Variants in DNAH8 observed in about 807,000 individuals in gnomAD.
The protein encoded by DNAH8 is dynein axonemal heavy chain 8, also known as axonemal beta dynein heavy chain 8.
DNAH8 carries 382 observed loss-of-function variants against 562.1 expected under a neutral mutation model. The observed-to-expected ratio is 0.68, with a 90% CI of 0.63 to 0.74. The LOEUF is 0.74. Among genes scored for constraint, DNAH8 ranks in the 30% least tolerant of loss-of-function variants. DNAH8 has a pLI of 0.00. For synonymous variants in DNAH8, 1,881 were observed against 1,919.4 expected, an observed-to-expected ratio of 0.98 and a Z score of 0.52; for missense variants, 5,203 against 5,620.4, an observed-to-expected ratio of 0.93 and a Z score of 2.37.
chr6:38,864,707 A>G (rs1192434348), intron 45 of DNAH8, among the ~76,000 whole-genome samples: 6 of 152,248 alleles, frequency 3.9e-5, no homozygotes, highest in East Asian at 3.9e-4. Flanking sequence ...GTGGGGGAAA[A>G]CGTGCCATCC....
intron 12 of DNAH8, among the ~76,000 whole-genome samples, chr6:38,773,541 C>A (rs1767778303): frequency 6.6e-6 from 1 of 152,130 alleles, no homozygotes; most frequent in Non-Finnish European, 1.5e-5. Flanking sequence ...TGCTCAGCAA[C>A]CAGAGCTAAG....
chr6:39,001,605 C>T (rs75340703), intron 88 of DNAH8, among the ~76,000 whole-genome samples: 1,623 of 152,112 alleles, frequency 0.011, 38 homozygotes, highest in African/African-American at 0.037. Flanking sequence ...CTTCAGGTAA[C>T]TCACAGCACA....
intron 74 of DNAH8, among the ~76,000 whole-genome samples, chr6:38,928,724 A>T (rs927148063): frequency 6.6e-6 from 1 of 152,158 alleles, no homozygotes; most frequent in African/African-American, 2.4e-5. Context: ...CAATAGCCTA[A>T]GGCATTAGTT....
chr6:38,832,224 T>A (rs1338068339), intron 30 of DNAH8, 98 bp from the exon 31 acceptor site: 2 of 705,194 alleles, frequency 2.8e-6, no homozygotes, highest in African/African-American at 3.6e-5. Context: ...CTTGTTCATA[T>A]AGGATATCTG....
chr6:38,803,589 T>C (rs536920912), intron 22 of DNAH8, among the ~76,000 whole-genome samples: 186 of 123,054 alleles, frequency 1.5e-3, no homozygotes, highest in African/African-American at 5.5e-3. Flanking sequence ...AGGCCTGCTA[T>C]GCTAACTCTA....
At chr6:38,766,135 T>TTGTGTGTGTGTGTGTGTGTGTGTGTG (rs774448668) in intron 11 of DNAH8, among the ~76,000 whole-genome samples, 94 of 129,006 alleles carry the variant, frequency 7.3e-4, no homozygotes, top group Non-Finnish European at 1.1e-3. Context: ...ATGTATGTGT[T>TTGTGTGTGTGTGTGTGTGTGTGTGTG]TGTATGTGTG....
In DNAH8 at chr6:38,853,053, T is replaced by A. The variant is rs1227467032; in HGVS notation, c.5572-133T>A. 8.2e-6 allele frequency: 6 copies of A among 731,122 alleles called. No individual in the cohort carries two copies. The African/African-American group carries it at 1.1e-4, about 13-fold the overall frequency. The allele number at this position is 731,122 out of a possible 1,614,324, so 45.3% of individuals were successfully genotyped here. A position where few individuals can be genotyped will look rare whatever the true frequency, so the allele number is the denominator to read the frequency against. ...ATAGTATTAGGTGATTTTACCCATA[T>A]TTAAAATATTTTGTATAAAATATGA... is the stretch of plus-strand genomic sequence containing the variant. On this transcript the variant is annotated intron_variant, in intron 40 of 92. Transcript: ENST00000327475.
intron 26 of DNAH8, among the ~76,000 whole-genome samples, chr6:38,817,792 T>C (rs1395928544): frequency 1.3e-5 from 2 of 152,154 alleles, no homozygotes; most frequent in Non-Finnish European, 1.5e-5. Flanking sequence ...GGAAAAAGCA[T>C]GTGGATGTAT....
chr6:38,968,544 T>TTA (rs930565870), intron 82 of DNAH8, among the ~76,000 whole-genome samples: 25 of 152,248 alleles, frequency 1.6e-4, no homozygotes, highest in African/African-American at 5.3e-4. Context: ...CTCAGCTTTG[T>TTA]TAGTTATTAG....
intron 10 of DNAH8, among the ~76,000 whole-genome samples, chr6:38,760,184 T>C (rs547089119): frequency 6.6e-6 from 1 of 152,282 alleles, no homozygotes; most frequent in African/African-American, 2.4e-5. Context: ...TTCAGAGAGG[T>C]TTCAGGGTGG....
At chr6:38,818,998 C>T (rs1002054628) in intron 26 of DNAH8, among the ~76,000 whole-genome samples, 2 of 152,196 alleles carry the variant, frequency 1.3e-5, no homozygotes, top group African/African-American at 2.4e-5. Flanking sequence ...TTACTCGGCT[C>T]ACAAACACAG....
chr6:38,989,614 C>T (rs1477221754), intron 87 of DNAH8, among the ~76,000 whole-genome samples: 5 of 152,148 alleles, frequency 3.3e-5, no homozygotes, highest in African/African-American at 1.2e-4. Flanking sequence ...GTATGAGCCC[C>T]ATGTCGGGGA....
chr6:38,909,601 A>G lies in DNAH8; in HGVS notation c.9597A>G (p.Pro3199=). Residue 3199 remains proline, a synonymous_variant, in exon 65 of 93, where the codon CCA becomes CCG. Transcript: ENST00000327475. ...GCTMDWFSRW[P]REALIAVASY... Reference sequence around the variant, plus strand: ...CTATGGACTGGTTCAGCCGCTGGCCAAGGGAGGCTCTGATTGCTGTGGCCT... The same window carrying G: ...CTATGGACTGGTTCAGCCGCTGGCCGAGGGAGGCTCTGATTGCTGTGGCCT... 6.2e-7 allele frequency: 1 copy of G among 1,614,200 alleles called. No individual in the cohort carries two copies. Among genetic ancestry groups the G allele is most frequent in the Non-Finnish European group, 8.5e-7 (1 of 1,180,012 alleles).
At chr6:38,790,684 A>G (rs1198647363) in intron 20 of DNAH8, among the ~76,000 whole-genome samples, 2 of 151,950 alleles carry the variant, frequency 1.3e-5, no homozygotes, top group Non-Finnish European at 2.9e-5. Context: ...TTAGCTGGAC[A>G]TGGTGGCGGG....
At chr6:38,715,597 T>C (rs1042018568) in intron 1 of DNAH8, among the ~76,000 whole-genome samples, 182 bp downstream of exon 1, 1 of 152,128 alleles carries the variant, frequency 6.6e-6, no homozygotes, top group Admixed American at 6.5e-5. Flanking sequence ...GCTGAGTCAC[T>C]ACCCTTTGTC....
intron 8 of DNAH8, among the ~76,000 whole-genome samples, chr6:38,748,541 A>G (rs1441013194): frequency 2.0e-5 from 3 of 152,022 alleles, no homozygotes; most frequent in African/African-American, 4.8e-5. Context: ...TGCTCTCTTC[A>G]TCTCTGACCA....
chr6:38,917,954 C>G lies in DNAH8; in HGVS notation c.10338C>G (p.Ser3446Arg). ...KLMSATGFLW[S>R]LQQFPKDTIN... ...TGAGTGCAACAGGATTCCTGTGGAG[C>G]CTTCAGCAGTTCCCTAAGGACACTA... The change falls in exon 70 of 93, where the codon AGC (serine) becomes AGG (arginine). Residue 3446 changes from serine (S) to arginine (R), a missense_variant. Around this residue, in one of 6 missense-constraint regions of DNAH8, gnomAD observed 1,399 missense variants for 1,518.4 expected, o/e 0.92. Transcript: ENST00000327475. 2 of 1,613,358 alleles carry G rather than the reference C, an allele frequency of 1.2e-6. No homozygotes were observed. Among genetic ancestry groups the G allele is most frequent in the Non-Finnish European group, 1.7e-6 (2 of 1,179,718 alleles).
chr6:38,996,973 A>C (rs1765176023), intron 88 of DNAH8, among the ~76,000 whole-genome samples: 1 of 150,992 alleles, frequency 6.6e-6, no homozygotes, highest in African/African-American at 2.4e-5. Flanking sequence ...CCTGCCTAAA[A>C]TGGGGGAGTA....
chr6:38,872,139 C>G (rs910984059), intron 49 of DNAH8, among the ~76,000 whole-genome samples: 1 of 152,220 alleles, frequency 6.6e-6, no homozygotes, highest in Non-Finnish European at 1.5e-5. Context: ...CGGATCTTCA[C>G]TGTGATGCTC....
Sources: allele counts gnomAD v4.1 joint callset (sites outside exome capture counted in the v4.1 genomes callset), GRCh38; gene constraint gnomAD v4.1.1; regional missense constraint gnomAD v4.1.1; transcripts MANE v1.5; gene names NCBI Gene and HGNC (gene_info 2026-07-23, HGNC 2026-07-21).